The following ZBTB38 variants were observed in gnomAD, a reference collection of about 807,000 sequenced individuals.
ZBTB38 encodes zinc finger and BTB domain containing 38.
A neutral mutation model predicts 76.8 loss-of-function variants in ZBTB38; 20 were observed. That is an observed-to-expected ratio of 0.26 (90% CI 0.18 to 0.38). The LOEUF is 0.38. Among genes scored for constraint, ZBTB38 ranks in the 10% least tolerant of loss-of-function variants. The probability of loss-of-function intolerance (pLI) is 1.00; values close to 1 mark genes in which losing one functional copy is unlikely to be tolerated. For missense variants in ZBTB38, 1,082 were observed against 1,482.3 expected (o/e 0.73, Z 4.43); for synonymous variants, 504 against 544.2 (o/e 0.93, Z 1.03).
chr3:141,351,408 A>G (rs1378635322), intron 1 of ZBTB38, among the ~76,000 whole-genome samples: 6 of 152,138 alleles, frequency 3.9e-5, no homozygotes, highest in Admixed American at 3.3e-4. Context: ...AAAATTATCA[A>G]TACTTTTCTT....
chr3:141,427,060 G>A (rs1157239929), intron 5 of ZBTB38, among the ~76,000 whole-genome samples: 1 of 152,032 alleles, frequency 6.6e-6, no homozygotes, highest in Non-Finnish European at 1.5e-5. Context: ...GGAAATAGCA[G>A]GGCAGTTCAG....
chr3:141,434,071 A>G lies in ZBTB38; in HGVS notation c.1-8318A>G, dbSNP rs557750766. On this transcript the variant is annotated intron_variant, in intron 5 of 5. Transcript: ENST00000321464. Reference sequence around the variant, plus strand: ...TCATGCCTACAGGTGCAGGGAGTACAAAGATGAATCAGATTGTCCCTGTAC... The same window carrying G: ...TCATGCCTACAGGTGCAGGGAGTACGAAGATGAATCAGATTGTCCCTGTAC... 1.6e-4 allele frequency: 64 copies of G among 390,212 alleles called. 1 individual carries two copies. The highest frequency in any genetic ancestry group is 1.3e-3 in the African/African-American group (58 of 45,858). 24.2% of individuals were successfully genotyped at this position (390,212 alleles called of 1,614,324 possible). A position where few individuals can be genotyped will look rare whatever the true frequency, so the allele number is the denominator to read the frequency against.
intron 1 of ZBTB38, among the ~76,000 whole-genome samples, chr3:141,344,601 T>A (rs900560029): frequency 1.3e-5 from 2 of 152,226 alleles, no homozygotes; most frequent in African/African-American, 4.8e-5. Context: ...CTCAAACTCC[T>A]GGGCTCAAGT....
At chr3:141,430,479 A>G (rs2077256696) in intron 5 of ZBTB38, among the ~76,000 whole-genome samples, 1 of 152,198 alleles carries the variant, frequency 6.6e-6, no homozygotes. Flanking sequence ...AGCTAATTCC[A>G]GCTGACATTT....
intron 3 of ZBTB38, chr3:141,383,629 A>G (rs191487607): frequency 1.2e-4 from 19 of 152,358 alleles, no homozygotes; most frequent in African/African-American, 4.3e-4. Context: ...TGTACATTGC[A>G]TTAGCCGTGC....
chr3:141,356,434 T>C (rs565503996), intron 1 of ZBTB38, among the ~76,000 whole-genome samples: 1 of 152,236 alleles, frequency 6.6e-6, no homozygotes, highest in African/African-American at 2.4e-5. Flanking sequence ...CGGCTCTGTT[T>C]AGGAAAGACA....
intron 5 of ZBTB38, among the ~76,000 whole-genome samples, chr3:141,420,443 C>T (rs2075103985): frequency 6.6e-6 from 1 of 152,200 alleles, no homozygotes; most frequent in South Asian, 2.1e-4. Flanking sequence ...CTCCCAGGAG[C>T]TCTGAAACTT....
At chr3:141,395,606 T>C (rs1422991433) in intron 4 of ZBTB38, among the ~76,000 whole-genome samples, 1 of 152,168 alleles carries the variant, frequency 6.6e-6, no homozygotes, top group Non-Finnish European at 1.5e-5. Flanking sequence ...ATATATAATA[T>C]TAAGTATAGT....
intron 1 of ZBTB38, among the ~76,000 whole-genome samples, chr3:141,347,179 G>A (rs1010164949): frequency 1.3e-5 from 2 of 152,180 alleles, no homozygotes; most frequent in Non-Finnish European, 2.9e-5. Flanking sequence ...TTGTAGTTGT[G>A]CATCTTAGAC....
chr3:141,378,714 G>C (rs1576797449), intron 2 of ZBTB38, among the ~76,000 whole-genome samples: 2 of 152,242 alleles, frequency 1.3e-5, no homozygotes, highest in South Asian at 4.2e-4. Flanking sequence ...ACAATGTCCT[G>C]CTGGCTTTGG....
intron 4 of ZBTB38, chr3:141,389,351 G>C (rs1238851438): frequency 1.3e-5 from 2 of 151,686 alleles, no homozygotes; most frequent in Non-Finnish European, 2.9e-5. Context: ...AAAATATTTT[G>C]CTTGGAGTCT....
At chr3:141,356,653 TCTC>T (rs1943672347) in intron 1 of ZBTB38, among the ~76,000 whole-genome samples, 1 of 151,334 alleles carries the variant, frequency 6.6e-6, no homozygotes, top group Non-Finnish European at 1.5e-5. Context: ...CCCTCCCTGC[TCTC>T]CTCATCGAGT....
rs1559966048 is a variant in ZBTB38 at position 141,443,733 on chromosome 3, C to T, written c.1345C>T (p.His449Tyr). The T allele has an allele frequency of 4.3e-6, 7 of 1,613,922 alleles. No individual in the cohort carries two copies. Among genetic ancestry groups the T allele is most frequent in the Non-Finnish European group, 5.9e-6 (7 of 1,180,034 alleles). Residue 449 changes from histidine to tyrosine, a missense_variant, in exon 6 of 6, where the codon CAC (histidine) becomes TAC (tyrosine). Around this residue, in one of 8 missense-constraint regions of ZBTB38, gnomAD observed 324 missense variants for 359.1 expected, o/e 0.90. Coordinates refer to ENST00000321464, the MANE Select transcript of ZBTB38 (RefSeq NM_001376113.1). This position sits in a 1 kb window ranked among gnomAD's most constrained non-coding sequence, Gnocchi z 5.6. ...CGGAAGTACTTTGCCAGACACGGAC[C>T]ACATGGTTAAATTTGTTAATGGGCA... is the stretch of plus-strand genomic sequence containing the variant. The part of the protein sequence containing the change: ...STGSTLPDTD[H>Y]MVKFVNGQML...
intron 1 of ZBTB38, among the ~76,000 whole-genome samples, chr3:141,328,558 G>C (rs1942747034): frequency 6.6e-6 from 1 of 152,094 alleles, no homozygotes; most frequent in Non-Finnish European, 1.5e-5. Flanking sequence ...CCTGGGTCTA[G>C]GCCCTTCCCT....
intron 1 of ZBTB38, among the ~76,000 whole-genome samples, 164 bp from the exon 2 acceptor site, chr3:141,369,708 G>C (rs747473389): frequency 1.3e-5 from 2 of 152,166 alleles, no homozygotes; most frequent in Non-Finnish European, 2.9e-5. Flanking sequence ...GCGGGGAGGC[G>C]TAAGTCTCAT....
At chr3:141,332,035 G>A (rs1158763861) in intron 1 of ZBTB38, among the ~76,000 whole-genome samples, 5 of 152,178 alleles carry the variant, frequency 3.3e-5, no homozygotes, top group South Asian at 2.1e-4. Flanking sequence ...TGTCACCAAC[G>A]TTTCTTTTTC....
At chr3:141,392,684 A>G (rs1949244293) in intron 4 of ZBTB38, 1 of 152,204 alleles carries the variant, frequency 6.6e-6, no homozygotes, top group Admixed American at 6.5e-5. Flanking sequence ...GTCCGCCTGC[A>G]TTGCCAGGTG....
chr3:141,357,444 C>T (rs578247974), intron 1 of ZBTB38, among the ~76,000 whole-genome samples: 198 of 152,296 alleles, frequency 1.3e-3, no homozygotes, highest in African/African-American at 4.3e-3. Context: ...TTCAGGAAGG[C>T]ACCCTCCATT....
Position 141,444,736 on chromosome 3 carries a change from A to G in ZBTB38, c.2348A>G (p.His783Arg), listed in dbSNP as rs762389260. 4.8e-5 allele frequency: 78 copies of G among 1,614,168 alleles called. No individual in the cohort carries two copies. Among genetic ancestry groups the G allele is most frequent in the Non-Finnish European group, 6.6e-5 (78 of 1,180,032 alleles). ...AAGGAGAAAAAGAAAACTACATCAC[A>G]TACCAGGGGAGAAATACCGGAGGAG... is the stretch of plus-strand genomic sequence containing the variant. ...SIKEKKKTTS[H>R]TRGEIPEESN... The change falls in exon 6 of 6, where the codon CAT becomes CGT. Residue 783 changes from histidine (H) to arginine (R), a missense_variant. His to Arg is a conservative substitution (Grantham distance 29). Coordinates refer to ENST00000321464, the MANE Select transcript of ZBTB38 (RefSeq NM_001376113.1). This position sits in a 1 kb window ranked among gnomAD's most constrained non-coding sequence, Gnocchi z 5.1.
Sources: allele counts gnomAD v4.1 joint callset (sites outside exome capture counted in the v4.1 genomes callset), GRCh38; gene constraint gnomAD v4.1.1; regional missense constraint gnomAD v4.1.1; non-coding constraint Gnocchi (gnomAD v3.1); transcripts MANE v1.5; gene names NCBI Gene and HGNC (gene_info 2026-07-23, HGNC 2026-07-21).